Variants in AMOTL1 observed in about 807,000 individuals in gnomAD.
AMOTL1 encodes angiomotin like 1.
A neutral mutation model predicts 102.9 loss-of-function variants in AMOTL1; 45 were observed. That is an observed-to-expected ratio of 0.44 (90% confidence interval 0.34 to 0.56). The LOEUF is 0.56. AMOTL1 is among the 20% of genes least tolerant of loss of function. The pLI, the probability that AMOTL1 is intolerant of heterozygous loss-of-function variation, is 0.01. For synonymous variants in AMOTL1, 481 were observed against 484.7 expected, an observed-to-expected ratio of 0.99 and a Z score of 0.10; for missense variants, 1,114 against 1,225.6, an observed-to-expected ratio of 0.91 and a Z score of 1.36.
chr11:94,865,559 T>C (rs1952863539), intron 10 of AMOTL1, among the ~76,000 whole-genome samples: 2 of 152,194 alleles, frequency 1.3e-5, no homozygotes, highest in Non-Finnish European at 2.9e-5. Flanking sequence ...GAAATTGACT[T>C]TAGCTGAAAG....
chr11:94,791,150 C>G (rs1161871692), intron 1 of AMOTL1, among the ~76,000 whole-genome samples: 1 of 152,118 alleles, frequency 6.6e-6, no homozygotes, highest in African/African-American at 2.4e-5. Flanking sequence ...GAGAGAGAAG[C>G]AAAGGAGTTT....
intron 2 of AMOTL1, among the ~76,000 whole-genome samples, chr11:94,735,124 T>C (rs1950419170): frequency 6.6e-6 from 1 of 152,212 alleles, no homozygotes; most frequent in Non-Finnish European, 1.5e-5. Context: ...GAGAACAGCC[T>C]GTAAAGGCCC....
At chr11:94,736,707 A>T (rs1240869452) in intron 2 of AMOTL1, among the ~76,000 whole-genome samples, 1 of 152,236 alleles carries the variant, frequency 6.6e-6, no homozygotes, top group Non-Finnish European at 1.5e-5. Context: ...CAGAGCTGAG[A>T]TGCAAATCCG....
chr11:94,815,692 C>T (rs894118609), intron 3 of AMOTL1, among the ~76,000 whole-genome samples: 1 of 151,600 alleles, frequency 6.6e-6, no homozygotes, highest in Non-Finnish European at 1.5e-5. Flanking sequence ...ATTTATAAAA[C>T]AAGGTAATGG....
chr11:94,767,972 TAAG>T (rs200461121), upstream of AMOTL1, among the ~76,000 whole-genome samples: 1 of 152,124 alleles, frequency 6.6e-6, no homozygotes, highest in East Asian at 1.9e-4. Flanking sequence ...AAATTCCACT[TAAG>T]AAGAAAAAAA....
At chr11:94,794,033 A>G (rs1174067898) in intron 1 of AMOTL1, among the ~76,000 whole-genome samples, 10 of 152,184 alleles carry the variant, frequency 6.6e-5, no homozygotes, top group Admixed American at 5.2e-4. Flanking sequence ...ACCACTAGCT[A>G]TGGCCTTGTG....
chr11:94,802,736 C>T (rs551346236), intron 3 of AMOTL1, among the ~76,000 whole-genome samples: 1 of 152,340 alleles, frequency 6.6e-6, no homozygotes, highest in East Asian at 1.9e-4. Context: ...CATGGCTAGC[C>T]AGCATGGCTC....
intron 3 of AMOTL1, among the ~76,000 whole-genome samples, chr11:94,808,050 C>A (rs1165926366): frequency 8.2e-6 from 1 of 121,868 alleles, no homozygotes; most frequent in Non-Finnish European, 1.7e-5. Flanking sequence ...TCAGGCAAAC[C>A]CGCCTCCTAT....
chr11:94,832,966 G>A (rs990393317), intron 6 of AMOTL1, among the ~76,000 whole-genome samples: 3 of 152,242 alleles, frequency 2.0e-5, no homozygotes, highest in African/African-American at 7.2e-5. Context: ...GGCTGGTGTG[G>A]AATAATGGAG....
chr11:94,770,102 T>C (rs1950923724), intron 1 of AMOTL1, among the ~76,000 whole-genome samples: 1 of 152,138 alleles, frequency 6.6e-6, no homozygotes, highest in African/African-American at 2.4e-5. Context: ...ACTGCCAAAC[T>C]GGCTAAGATT....
chr11:94,776,620 G>A (rs752563343), intron 1 of AMOTL1, among the ~76,000 whole-genome samples: 11 of 152,270 alleles, frequency 7.2e-5, no homozygotes, highest in Non-Finnish European at 1.3e-4. Flanking sequence ...CTGTGGCCAC[G>A]TGCCAGGGAG....
intron 6 of AMOTL1, among the ~76,000 whole-genome samples, chr11:94,836,488 C>A (rs1375407402): frequency 1.3e-5 from 2 of 152,176 alleles, no homozygotes; most frequent in African/African-American, 4.8e-5. Flanking sequence ...ACCAAAACCC[C>A]TTGCATGTTC....
rs779281243 is a variant in AMOTL1, at chr11:94,859,652, A to G, written c.2072A>G (p.Tyr691Cys). 3 of 1,613,308 alleles carry G rather than the reference A, an allele frequency of 1.9e-6. No individual in the cohort carries two copies. The South Asian group carries it at 3.3e-5, about 18-fold the overall frequency. Reference sequence around the variant, plus strand: ...GACATGACAAAGTGGGAGCAGAAGTACCTGGAGGAGAGCACCATCCGACAC... The same window carrying G: ...GACATGACAAAGTGGGAGCAGAAGTGCCTGGAGGAGAGCACCATCCGACAC... ...EADMTKWEQK[Y>C]LEESTIRHFA... The change falls in exon 9 of 13, where the codon TAC becomes TGC. Residue 691 changes from tyrosine to cysteine, a missense_variant. By Grantham distance (194) the Tyr-to-Cys change is radical. Coordinates refer to ENST00000433060, the MANE Select transcript of AMOTL1 (RefSeq NM_130847.3).
intron 6 of AMOTL1, among the ~76,000 whole-genome samples, chr11:94,838,204 G>T (rs2135679993): frequency 6.6e-6 from 1 of 152,324 alleles, no homozygotes; most frequent in South Asian, 2.1e-4. Context: ...ACCATAAGGG[G>T]AGGGGCCCTG....
chr11:94,777,058 T>C (rs1951035417), intron 1 of AMOTL1, among the ~76,000 whole-genome samples: 1 of 152,198 alleles, frequency 6.6e-6, no homozygotes, highest in Non-Finnish European at 1.5e-5. Flanking sequence ...CAATCTAGCT[T>C]CTTGAAAAGA....
chr11:94,853,930 C>CA lies in AMOTL1; in HGVS notation c.1795-2dup. ...GTGCTCTTTTTTACTCTTCTCCACT[C>CA]AGTTACGAGAGAAGCAAGCATATGT... is the stretch of plus-strand genomic sequence containing the variant. On this transcript the variant is annotated splice_polypyrimidine_tract_variant and splice_region_variant and intron_variant, in intron 7 of 12. Coordinates refer to ENST00000433060, the MANE Select transcript of AMOTL1 (RefSeq NM_130847.3). The CA allele has an allele frequency of 6.2e-7, 1 of 1,607,390 alleles. No homozygotes were observed. The highest frequency in any genetic ancestry group is 8.5e-7 in the Non-Finnish European group (1 of 1,176,704).
chr11:94,824,367 C>G (rs1951924671), intron 4 of AMOTL1, among the ~76,000 whole-genome samples: 1 of 152,204 alleles, frequency 6.6e-6, no homozygotes, highest in South Asian at 2.1e-4. Flanking sequence ...TGTCATTTTA[C>G]TTAAAGTTGC....
intron 1 of AMOTL1, among the ~76,000 whole-genome samples, chr11:94,776,570 G>A (rs1430519980): frequency 1.3e-5 from 2 of 152,200 alleles, no homozygotes; most frequent in Admixed American, 6.5e-5. Context: ...TTCCAAGCTT[G>A]CTTTGCTTTC....
At chr11:94,752,044 C>T (rs1416510237) in intron 3 of AMOTL1, among the ~76,000 whole-genome samples, 8 of 152,230 alleles carry the variant, frequency 5.3e-5, no homozygotes, top group Admixed American at 1.3e-4. Flanking sequence ...ACATTCTTGC[C>T]GGATGATCAT....
Sources: allele counts gnomAD v4.1 joint callset (sites outside exome capture counted in the v4.1 genomes callset), GRCh38; gene constraint gnomAD v4.1.1; transcripts MANE v1.5; gene names NCBI Gene and HGNC (gene_info 2026-07-23, HGNC 2026-07-21).